Variants in INPP1 observed in about 807,000 individuals in gnomAD.
The protein encoded by INPP1 is inositol polyphosphate 1-phosphatase.
Under a neutral mutation model 23.0 loss-of-function variants are expected in INPP1, and 18 were observed. That is an observed-to-expected ratio of 0.78 (90% CI 0.54 to 1.16). INPP1 has a LOEUF of 1.16. INPP1 is among the 50% of genes most tolerant of loss of function. The pLI is 0.00. For missense variants in INPP1, 448 were observed against 482.1 expected (o/e 0.93, Z 0.66); for synonymous variants, 164 against 176.3 (o/e 0.93, Z 0.55).
At position 190,371,339 on chromosome 2, in the gene INPP1, G is replaced by A; in HGVS notation, c.1137G>A (p.Lys379=). 6.4e-7 allele frequency: 1 copy of A among 1,566,774 alleles called. No individual in the cohort carries two copies. Among genetic ancestry groups the A allele is most frequent in the South Asian group, 1.2e-5 (1 of 82,794 alleles). ...GACTCATTGCATACAGATCCAGGAAGCGGCTGGAGACATTCCTGAGCCTCC... is the reference window on the plus strand; with the variant it reads ...GACTCATTGCATACAGATCCAGGAAACGGCTGGAGACATTCCTGAGCCTCC... ...KGGLIAYRSR[K]RLETFLSLLV... The change falls in exon 7 of 7, where the codon AAG becomes AAA. Residue 379 remains lysine, a synonymous_variant. Transcript: ENST00000392329. This position sits in a 1 kb window ranked among gnomAD's most constrained non-coding sequence, Gnocchi z 5.3.
At chr2:190,365,382 T>C (rs1689624631) in intron 4 of INPP1, among the ~76,000 whole-genome samples, 1 of 152,214 alleles carries the variant, frequency 6.6e-6, no homozygotes, top group Non-Finnish European at 1.5e-5. Flanking sequence ...AAAAGCAATA[T>C]CATATAAGGA....
At chr2:190,359,170 T>G (rs1042676410) in intron 2 of INPP1, among the ~76,000 whole-genome samples, 3 of 151,994 alleles carry the variant, frequency 2.0e-5, no homozygotes, top group Non-Finnish European at 2.9e-5. Flanking sequence ...CGTGGTGGCA[T>G]GCATCTGTAG....
Position 190,355,313 on chromosome 2 carries a change from A to G in INPP1, c.-64-4726A>G, listed in dbSNP as rs1689401818. Among the ~76,000 whole-genome samples the G allele has an allele frequency of 6.6e-6, 1 of 152,228 alleles. No homozygotes were observed. The highest frequency in any genetic ancestry group is 2.4e-5 in the African/African-American group (1 of 41,458). ...GCACCTAGTAAATGTTAGCTGTTTC[A>G]ATTTTAACCTATCTCTGCACAAGAA... On this transcript the variant is annotated intron_variant, in intron 2 of 6. Coordinates refer to ENST00000392329, the MANE Select transcript of INPP1 (RefSeq NM_001128928.2). This position sits in a 1 kb window ranked among gnomAD's most constrained non-coding sequence, Gnocchi z 5.1.
rs571225291 is a variant in INPP1, at chr2:190,360,014, C to G, written c.-64-25C>G. The G allele has an allele frequency of 4.8e-5, 65 of 1,366,474 alleles. No individual in the cohort carries two copies. In the East Asian group the frequency reaches 1.4e-3, roughly 30 times the overall value. 84.6% of individuals were successfully genotyped at this position (1,366,474 alleles called of 1,614,324 possible). A position where few individuals can be genotyped will look rare whatever the true frequency, so the allele number is the denominator to read the frequency against. On this transcript the variant is annotated intron_variant, in intron 2 of 6. Transcript: ENST00000392329. ...GACATCACTCTCTGAACTGCTTTCT[C>G]TTTCACATTCTTGTATTTTTCCAGC...
rs951854786 is a variant in INPP1, at chr2:190,370,802, C to A, written c.642-42C>A. The A allele has an allele frequency of 3.5e-6, 5 of 1,436,582 alleles. No individual in the cohort carries two copies. In the African/African-American group the frequency reaches 4.3e-5, roughly 12 times the overall value. The allele number at this position is 1,436,582 out of a possible 1,614,324, so 89.0% of individuals were successfully genotyped here. A position where few individuals can be genotyped will look rare whatever the true frequency, so the allele number is the denominator to read the frequency against. On this transcript the variant is annotated intron_variant, in intron 6 of 6. Coordinates refer to ENST00000392329, the MANE Select transcript of INPP1 (RefSeq NM_001128928.2). ...TGAAAGTGACATGAGTAATGAAAAA[C>A]AAATGTGATAATCATCACCAATTGA...
chr2:190,352,547 C>A lies in INPP1; in HGVS notation c.-65+3516C>A, dbSNP rs576307560. Among the ~76,000 whole-genome samples, 6 of 152,172 alleles carry A rather than the reference C, an allele frequency of 3.9e-5. No individual in the cohort carries two copies. The highest frequency in any genetic ancestry group is 8.8e-5 in the Non-Finnish European group (6 of 68,002). ...CTCACAGGAATCTCAGGGGAGGCTA[C>A]CATTAGCAAGTGACACAACACAGCG... is the stretch of plus-strand genomic sequence containing the variant. On this transcript the variant is annotated intron_variant, in intron 2 of 6. Transcript: ENST00000392329. The surrounding 1 kb of genome is among the most constrained non-coding windows in gnomAD (Gnocchi z 4.7).
At chr2:190,350,373 G>A (rs1462890448) in intron 2 of INPP1, among the ~76,000 whole-genome samples, 1 of 152,216 alleles carries the variant, frequency 6.6e-6, no homozygotes, top group African/African-American at 2.4e-5. Flanking sequence ...AGTGAGTGTA[G>A]AGCTGACTGT....
chr2:190,365,377 C>G (rs1689624471), intron 4 of INPP1, among the ~76,000 whole-genome samples: 1 of 152,110 alleles, frequency 6.6e-6, no homozygotes, highest in Admixed American at 6.6e-5. Flanking sequence ...AAGTTAAAAG[C>G]AATATCATAT....
chr2:190,366,785 A>C lies in INPP1; in HGVS notation c.356A>C (p.Glu119Ala). The C allele has an allele frequency of 6.2e-7, 1 of 1,613,156 alleles. No homozygotes were observed. The highest frequency in any genetic ancestry group is 8.5e-7 in the Non-Finnish European group (1 of 1,179,082). The change falls in exon 5 of 7, where the codon GAA becomes GCA. Residue 119 changes from glutamate to alanine, a missense_variant. By Grantham distance (107) the Glu-to-Ala change is moderately radical. Coordinates refer to ENST00000392329, the MANE Select transcript of INPP1 (RefSeq NM_001128928.2). ...KVLNGNKVAS[E>A]ALARVVHQDV... ...CTCAATGGTAACAAGGTGGCATCTG[A>C]AGCATTAGCCAGGGTTGTTCATCAG... is the stretch of plus-strand genomic sequence containing the variant.
intron 4 of INPP1, among the ~76,000 whole-genome samples, chr2:190,365,331 A>G (rs551690226): frequency 1.3e-5 from 2 of 152,362 alleles, no homozygotes; most frequent in African/African-American, 4.8e-5. Flanking sequence ...AAAGATTGGT[A>G]TATACCATTT....
intron 4 of INPP1, among the ~76,000 whole-genome samples, chr2:190,364,525 G>A (rs1689602232): frequency 7.0e-6 from 1 of 143,474 alleles, no homozygotes; most frequent in South Asian, 2.4e-4. Flanking sequence ...TTGGGTGACA[G>A]AGCAAGACTC....
chr2:190,344,191 C>G (rs968420156), intron 1 of INPP1: 4 of 157,546 alleles, frequency 2.5e-5, no homozygotes, highest in African/African-American at 9.6e-5. Context: ...CCCGGCATCG[C>G]CGCTGCAGCC....
intron 3 of INPP1, among the ~76,000 whole-genome samples, chr2:190,361,486 T>C (rs1368533585): frequency 1.3e-5 from 2 of 152,198 alleles, no homozygotes; most frequent in East Asian, 1.9e-4. Flanking sequence ...ATAAACTAAA[T>C]GAAGCAAATT....
rs1689381762 is a variant in INPP1 at position 190,354,520 on chromosome 2, G to GAGAC, written c.-65+5491_-65+5494dup. 6.6e-6 allele frequency among the ~76,000 whole-genome samples: 1 copy of GAGAC among 152,206 alleles called. No individual in the cohort carries two copies. Among genetic ancestry groups the GAGAC allele is most frequent in the Admixed American group, 6.5e-5 (1 of 15,286 alleles). On this transcript the variant is annotated intron_variant, in intron 2 of 6. Transcript: ENST00000392329. The surrounding 1 kb of genome is among the most constrained non-coding windows in gnomAD (Gnocchi z 4.8). Reference sequence around the variant, plus strand: ...TGACTGGCGTCCTTGTAAGAAAAGGGAGACATGCCAGAGATTAACGCCCAC... The same window carrying GAGAC: ...TGACTGGCGTCCTTGTAAGAAAAGGGAGACAGACATGCCAGAGATTAACGCCCAC...
intron 1 of INPP1, among the ~76,000 whole-genome samples, chr2:190,347,507 C>G (rs1376171019): frequency 6.6e-6 from 1 of 152,046 alleles, no homozygotes; most frequent in African/African-American, 2.4e-5. Flanking sequence ...CCTTCTTCCT[C>G]TTTACATTGC....
chr2:190,364,075 A>G (rs184836920), intron 4 of INPP1, among the ~76,000 whole-genome samples: 119 of 152,344 alleles, frequency 7.8e-4, no homozygotes, highest in Non-Finnish European at 1.6e-3. Flanking sequence ...TGCAGTAAGT[A>G]GCCATTATTA....
rs184722865 is a variant in INPP1, at chr2:190,347,301, A to G, written c.-208-1587A>G. 9.3e-3 allele frequency among the ~76,000 whole-genome samples: 1,415 copies of G among 152,094 alleles called. 64 individuals carry two copies. The highest frequency in any genetic ancestry group is 0.071 in the Admixed American group (1,081 of 15,288). ...GCTGGGATTACAGGCGTGAGCCACC[A>G]CACCTGGCTCCTTATTTGTAGCTTT... On this transcript the variant is annotated intron_variant, in intron 1 of 6. Coordinates refer to ENST00000392329, the MANE Select transcript of INPP1 (RefSeq NM_001128928.2).
In INPP1 at chr2:190,352,987, C is replaced by T. The variant is rs1038072033; in HGVS notation, c.-65+3956C>T. Among the ~76,000 whole-genome samples the T allele has an allele frequency of 3.9e-5, 6 of 152,130 alleles. No individual in the cohort carries two copies. The highest frequency in any genetic ancestry group is 5.9e-5 in the Non-Finnish European group (4 of 68,016). On this transcript the variant is annotated intron_variant, in intron 2 of 6. Coordinates refer to ENST00000392329, the MANE Select transcript of INPP1 (RefSeq NM_001128928.2). This position sits in a 1 kb window ranked among gnomAD's most constrained non-coding sequence, Gnocchi z 4.7. ...GTGGGGGTGGGGTGGAGTCAATGCG[C>T]AATGGGCAAAAATGTGTACTCTGTA...
chr2:190,344,001 C>A, intron 1 of INPP1, 40 bp downstream of exon 1: 1 of 329,246 alleles, frequency 3.0e-6, no homozygotes, highest in Non-Finnish European at 6.4e-6. Context: ...CCACAGGGTC[C>A]CCGCGCCGCT....
Sources: allele counts gnomAD v4.1 joint callset (sites outside exome capture counted in the v4.1 genomes callset), GRCh38; gene constraint gnomAD v4.1.1; non-coding constraint Gnocchi (gnomAD v3.1); transcripts MANE v1.5; gene names NCBI Gene and HGNC (gene_info 2026-07-23, HGNC 2026-07-21).